The following RMND5B variants were observed in gnomAD, a reference collection of about 807,000 sequenced individuals.
RMND5B encodes the protein E3 ubiquitin-protein transferase RMND5B.
In RMND5B, 42 loss-of-function variants were observed where a neutral mutation model predicts 50.4. The ratio of observed to expected loss-of-function variants is 0.83; its 90% CI spans 0.65 to 1.08. The LOEUF (loss-of-function observed/expected upper bound fraction) is 1.08, where lower values mean the gene tolerates loss of function less well. Among genes scored for constraint, RMND5B ranks in the 50% least tolerant of loss-of-function variants. RMND5B has a pLI of 0.00. For synonymous variants in RMND5B, 220 were observed against 210.0 expected (o/e 1.05, Z -0.41); for missense variants, 463 against 508.5 (o/e 0.91, Z 0.86).
chr5:178,140,644 A>G lies in RMND5B; in HGVS notation c.140-1939A>G, dbSNP rs1052306360. 7.8e-4 allele frequency among the ~76,000 whole-genome samples: 118 copies of G among 152,196 alleles called. 2 individuals are homozygous for G. Among genetic ancestry groups the G allele is most frequent in the Non-Finnish European group, 6.9e-4 (47 of 68,012 alleles). Reference sequence around the variant, plus strand: ...CAGGAGGTTGAGACCAGGCTGGTCAACATGGCAAAACCACATCTCTACTAA... The same window carrying G: ...CAGGAGGTTGAGACCAGGCTGGTCAGCATGGCAAAACCACATCTCTACTAA... On this transcript the variant is annotated intron_variant, in intron 3 of 10. Coordinates refer to ENST00000313386, the MANE Select transcript of RMND5B (RefSeq NM_022762.5).
At chr5:178,145,868 C>A in intron 7 of RMND5B, 1 of 478,366 alleles carries the variant, frequency 2.1e-6, no homozygotes, top group East Asian at 3.2e-5. Flanking sequence ...AAGAACTGTC[C>A]TCATTCCTGA....
chr5:178,149,453 A>T lies in RMND5B; in HGVS notation c.*1421A>T, dbSNP rs1756201638. 3 of 444,486 alleles carry T rather than the reference A, an allele frequency of 6.7e-6. No individual in the cohort carries two copies. Among genetic ancestry groups the T allele is most frequent in the Non-Finnish European group, 1.3e-5 (3 of 237,090 alleles). 27.5% of individuals were successfully genotyped at this position (444,486 alleles called of 1,614,324 possible). A position where few individuals can be genotyped will look rare whatever the true frequency, so the allele number is the denominator to read the frequency against. ...CTGCTGCTTAAGAAAACACCCACAG[A>T]CTCACCACATTTTAGTCTTAGCATT... On this transcript the variant is annotated 3_prime_UTR_variant, in exon 11 of 11. Transcript: ENST00000313386.
In RMND5B at chr5:178,150,419, T is replaced by C; in HGVS notation, c.*2387T>C. 1 of 318,198 alleles carries C rather than the reference T, an allele frequency of 3.1e-6. No individual in the cohort carries two copies. The highest frequency in any genetic ancestry group is 2.7e-5 in the South Asian group (1 of 36,930). 19.7% of individuals were successfully genotyped at this position (318,198 alleles called of 1,614,324 possible). ...TTTGAGACAGGGCCTCACTCTGTCATGCAGTCTGGAGTGTGGTGGTGTATG... is the reference window on the plus strand; with the variant it reads ...TTTGAGACAGGGCCTCACTCTGTCACGCAGTCTGGAGTGTGGTGGTGTATG... On this transcript the variant is annotated 3_prime_UTR_variant, in exon 11 of 11. Coordinates refer to ENST00000313386, the MANE Select transcript of RMND5B (RefSeq NM_022762.5).
In RMND5B at chr5:178,148,166, A is replaced by G. The variant is rs1373674218; in HGVS notation, c.*134A>G. On this transcript the variant is annotated 3_prime_UTR_variant, in exon 11 of 11. Transcript: ENST00000313386. ...GCTGAGGAGTTCCACTGAGGGGAGC[A>G]CTGGAGCAGCCCTTTGGCAGAGGCT... 2.4e-6 allele frequency: 2 copies of G among 831,254 alleles called. No homozygotes were observed. Among genetic ancestry groups the G allele is most frequent in the African/African-American group, 1.7e-5 (1 of 59,624 alleles). 51.5% of individuals were successfully genotyped at this position (831,254 alleles called of 1,614,324 possible). A position where few individuals can be genotyped will look rare whatever the true frequency, so the allele number is the denominator to read the frequency against.
At chr5:178,147,411 C>G in intron 8 of RMND5B, 122 bp from the exon 9 acceptor site, 1 of 679,050 alleles carries the variant, frequency 1.5e-6, no homozygotes, top group Non-Finnish European at 2.5e-6. Flanking sequence ...CTTTGAGGAC[C>G]GATTTGACCG....
rs539885632 is a variant in RMND5B at position 178,137,467 on chromosome 5, C to G, written c.-12-641C>G. Among the ~76,000 whole-genome samples the G allele has an allele frequency of 6.6e-6, 1 of 152,068 alleles. No homozygotes were observed. Among genetic ancestry groups the G allele is most frequent in the Non-Finnish European group, 1.5e-5 (1 of 68,018 alleles). On this transcript the variant is annotated intron_variant, in intron 2 of 10. Transcript: ENST00000313386. The surrounding 1 kb of genome is among the most constrained non-coding windows in gnomAD (Gnocchi z 4.4). ...CTTTGAGAGGCCAAGGTGGAAAGAT[C>G]GTTTGAGCCCAGGAGTTTGAGACCA...
In RMND5B at chr5:178,144,121, G is replaced by A; in HGVS notation, c.694+13G>A. Reference sequence around the variant, plus strand: ...CTGCACCAGCGGGGTGAGTGCCCAGGCAGCTGGGGTTGTGCTGCCTGGCCT... The same window carrying A: ...CTGCACCAGCGGGGTGAGTGCCCAGACAGCTGGGGTTGTGCTGCCTGGCCT... On this transcript the variant is annotated intron_variant, in intron 7 of 10. Coordinates refer to ENST00000313386, the MANE Select transcript of RMND5B (RefSeq NM_022762.5). 1 of 1,610,776 alleles carries A rather than the reference G, an allele frequency of 6.2e-7. No homozygotes were observed. Among genetic ancestry groups the A allele is most frequent in the South Asian group, 1.1e-5 (1 of 90,840 alleles).
Position 178,131,274 on chromosome 5 carries a change from A to T in RMND5B, c.-115A>T, listed in dbSNP as rs1423628781. 1 of 152,072 alleles carries T rather than the reference A, an allele frequency of 6.6e-6. No homozygotes were observed. Among genetic ancestry groups the T allele is most frequent in the African/African-American group, 2.4e-5 (1 of 41,428 alleles). 9.4% of individuals were successfully genotyped at this position (152,072 alleles called of 1,614,324 possible). A position where few individuals can be genotyped will look rare whatever the true frequency, so the allele number is the denominator to read the frequency against. On this transcript the variant is annotated 5_prime_UTR_variant, in exon 2 of 11. Coordinates refer to ENST00000313386, the MANE Select transcript of RMND5B (RefSeq NM_022762.5). ...GGCCGGGAGCTGGAGTCCCAGACTC[A>T]TAGGTCCCGGCCCAGCCCCCGAAGA...
intron 2 of RMND5B, among the ~76,000 whole-genome samples, chr5:178,136,608 C>T (rs1758635107): frequency 6.6e-6 from 1 of 151,650 alleles, no homozygotes; most frequent in African/African-American, 2.4e-5. Context: ...GGTGCTGAGG[C>T]CGGGACTCAT....
chr5:178,133,040 T>C (rs1404729380), intron 2 of RMND5B, among the ~76,000 whole-genome samples: 1 of 151,506 alleles, frequency 6.6e-6, no homozygotes, highest in Non-Finnish European at 1.5e-5. Context: ...AATTTTTGTA[T>C]TTTTAGTAGA....
chr5:178,146,054 G>A (rs956396366), intron 7 of RMND5B, 60 bp from the exon 8 acceptor site: 17 of 1,566,158 alleles, frequency 1.1e-5, no homozygotes, highest in African/African-American at 1.3e-5. Flanking sequence ...CCTGCTGCCC[G>A]CTTGGGGGTG....
Position 178,149,974 on chromosome 5 carries a change from C to G in RMND5B, c.*1942C>G, listed in dbSNP as rs948239156. The G allele has an allele frequency of 2.1e-6, 2 of 942,972 alleles. No homozygotes were observed. The highest frequency in any genetic ancestry group is 3.3e-5 in the African/African-American group (2 of 60,394). The allele number at this position is 942,972 out of a possible 1,614,324, so 58.4% of individuals were successfully genotyped here. Reference sequence around the variant, plus strand: ...CGGTCCATGTTCTATTTAAAAGCATCTTGAATTGGTTGCCATCATTTAAAC... The same window carrying G: ...CGGTCCATGTTCTATTTAAAAGCATGTTGAATTGGTTGCCATCATTTAAAC... On this transcript the variant is annotated 3_prime_UTR_variant, in exon 11 of 11. Coordinates refer to ENST00000313386, the MANE Select transcript of RMND5B (RefSeq NM_022762.5).
At position 178,147,825 on chromosome 5, in the gene RMND5B, C is replaced by T. The variant is rs1442980771; in HGVS notation, c.1060C>T (p.Leu354Phe). Reference protein sequence around the residue: ...QTSDSNPPIKLICGHVISRDA... With the variant: ...QTSDSNPPIKFICGHVISRDA... ...GTCAGATTCCAACCCTCCCATCAAG[C>T]TCATCTGTGGCCATGTTATCTCCCG... Residue 354 changes from leucine to phenylalanine, a missense_variant, in exon 10 of 11, where the codon CTC becomes TTC. Coordinates refer to ENST00000313386, the MANE Select transcript of RMND5B (RefSeq NM_022762.5). 1.9e-6 allele frequency: 3 copies of T among 1,614,090 alleles called. No homozygotes were observed. The highest frequency in any genetic ancestry group is 1.7e-6 in the Non-Finnish European group (2 of 1,180,054).
Position 178,149,864 on chromosome 5 carries a change from T to C in RMND5B, c.*1832T>C, listed in dbSNP as rs749194693. ...CTACAGAGGGGAAAGAAGTGCTGTTTGGAAAAAAGCTGTACAACCTGTATG... is the reference window on the plus strand; with the variant it reads ...CTACAGAGGGGAAAGAAGTGCTGTTCGGAAAAAAGCTGTACAACCTGTATG... On this transcript the variant is annotated 3_prime_UTR_variant, in exon 11 of 11. Coordinates refer to ENST00000313386, the MANE Select transcript of RMND5B (RefSeq NM_022762.5). 1.6e-5 allele frequency: 25 copies of C among 1,611,288 alleles called. No individual in the cohort carries two copies. Among genetic ancestry groups the C allele is most frequent in the Admixed American group, 8.4e-5 (5 of 59,454 alleles).
At position 178,142,870 on chromosome 5, in the gene RMND5B, T is replaced by G. The variant is rs201796710; in HGVS notation, c.304T>G (p.Cys102Gly). 6.2e-7 allele frequency: 1 copy of G among 1,614,230 alleles called. No homozygotes were observed. The highest frequency in any genetic ancestry group is 2.2e-5 in the East Asian group (1 of 44,886). The change falls in exon 5 of 11, where the codon TGT becomes GGT. Residue 102 changes from cysteine (C) to glycine (G), a missense_variant. By Grantham distance (159) the Cys-to-Gly change is radical. Coordinates refer to ENST00000313386, the MANE Select transcript of RMND5B (RefSeq NM_022762.5). ...AIDRNFDSEI[C>G]GVVSDAVWDA... is the part of the protein sequence containing the mutation. ...TCGTCAGAACTTCGACTCTGAGATC[T>G]GTGGTGTTGTGTCAGATGCGGTGTG...
chr5:178,135,482 C>T (rs576712030), intron 2 of RMND5B, among the ~76,000 whole-genome samples: 2 of 152,276 alleles, frequency 1.3e-5, no homozygotes, highest in Admixed American at 1.3e-4. Flanking sequence ...TTTTTTTCCA[C>T]CTCAGTGCCA....
chr5:178,143,819 T>C, intron 6 of RMND5B, 92 bp downstream of exon 6: 1 of 1,459,352 alleles, frequency 6.9e-7, no homozygotes, highest in Non-Finnish European at 9.6e-7. Flanking sequence ...CCAGATGTAC[T>C]TGACTTGCCT....
At chr5:178,140,340 A>ATTT (rs59166409) in intron 3 of RMND5B, among the ~76,000 whole-genome samples, 2 of 144,796 alleles carry the variant, frequency 1.4e-5, no homozygotes, top group African/African-American at 2.6e-5. Flanking sequence ...GGCCCTGCTA[A>ATTT]TTTTTTTTTT....
chr5:178,142,254 C>T, intron 3 of RMND5B: 1 of 259,260 alleles, frequency 3.9e-6, no homozygotes, highest in Non-Finnish European at 7.4e-6. Context: ...GGCAGTTAAA[C>T]AGAATCCTAT....
Sources: gnomAD v4.1 joint callset for allele counts (sites outside exome capture counted in the v4.1 genomes callset) on GRCh38, gnomAD v4.1.1 for gene constraint, Gnocchi (gnomAD v3.1) non-coding constraint, MANE v1.5 for transcripts, NCBI Gene and HGNC (gene_info 2026-07-23, HGNC 2026-07-21) for gene names.